The following NCOR2 variants were observed in gnomAD, a reference collection of about 807,000 sequenced individuals.
NCOR2 encodes CTG repeat protein 26.
A neutral mutation model predicts 262.9 loss-of-function variants in NCOR2; 81 were observed. The observed-to-expected ratio is 0.31, with a 90% CI of 0.26 to 0.37. The LOEUF is 0.37. NCOR2 is among the 10% of genes least tolerant of loss of function. The pLI is 1.00. For synonymous variants in NCOR2, 1,659 were observed against 1,559.3 expected (o/e 1.06, Z -1.51); for missense variants, 3,385 against 3,621.4 (o/e 0.93, Z 1.68).
At chr12:124,490,504 C>G (rs999110841) in intron 1 of NCOR2, among the ~76,000 whole-genome samples, 1 of 152,036 alleles carries the variant, frequency 6.6e-6, no homozygotes, top group African/African-American at 2.4e-5. Flanking sequence ...TGAATCTTCC[C>G]CAGCATGGGA....
chr12:124,358,427 T>C (rs1355991280), intron 22 of NCOR2, among the ~76,000 whole-genome samples: 1 of 151,554 alleles, frequency 6.6e-6, no homozygotes, highest in African/African-American at 2.4e-5. Flanking sequence ...TGTGTGCGCC[T>C]GTGTGTGTGT....
intron 14 of NCOR2, among the ~76,000 whole-genome samples, chr12:124,401,275 T>G (rs76164083): frequency 0.023 from 3,538 of 151,350 alleles, 124 homozygotes; most frequent in African/African-American, 0.08. Flanking sequence ...AATTCACCAA[T>G]AAGGCCATGT....
rs1184205947 is a variant in NCOR2, at chr12:124,443,253, G to C, written c.816-5257C>G. On this transcript the variant is annotated intron_variant, in intron 7 of 46. Transcript: ENST00000405201. The surrounding 1 kb of genome is among the most constrained non-coding windows in gnomAD (Gnocchi z 4.4). ...CATGAGGCCTCGGGGTGGTGGTGAT[G>C]TGCATGCAGCCGTCTGTTTGCCACC... Among the ~76,000 whole-genome samples the C allele has an allele frequency of 1.3e-5, 2 of 152,222 alleles. No individual in the cohort carries two copies. The highest frequency in any genetic ancestry group is 2.4e-5 in the African/African-American group (1 of 41,454).
At chr12:124,471,663 G>A (rs1004385325) in intron 4 of NCOR2, among the ~76,000 whole-genome samples, 2 of 152,104 alleles carry the variant, frequency 1.3e-5, no homozygotes, top group Admixed American at 6.6e-5. Context: ...AAACCTCCTG[G>A]GCTCAGGCAC....
intron 1 of NCOR2, among the ~76,000 whole-genome samples, chr12:124,565,198 AGCG>A (rs1222240592): frequency 1.3e-5 from 2 of 152,142 alleles, no homozygotes; most frequent in African/African-American, 4.8e-5. Flanking sequence ...GATCCCCAGC[AGCG>A]TAAATAGCTC....
chr12:124,457,229 G>A lies in NCOR2; in HGVS notation c.706-67C>T. ...AAAAAAACACAGATTATAAATAGAG[G>A]CTTCCCGGAGCAGCGGGCACCTGCC... On this transcript the variant is annotated intron_variant, in intron 5 of 46. Coordinates refer to ENST00000405201, the Ensembl canonical transcript of NCOR2. The surrounding 1 kb of genome is among the most constrained non-coding windows in gnomAD (Gnocchi z 4.0). 6.8e-7 allele frequency: 1 copy of A among 1,462,854 alleles called. No homozygotes were observed. The highest frequency in any genetic ancestry group is 9.1e-7 in the Non-Finnish European group (1 of 1,104,596). 90.6% of individuals were successfully genotyped at this position (1,462,854 alleles called of 1,614,324 possible).
chr12:124,506,974 A>T (rs965742052), intron 1 of NCOR2, among the ~76,000 whole-genome samples: 1 of 152,158 alleles, frequency 6.6e-6, no homozygotes, highest in African/African-American at 2.4e-5. Context: ...TTTCTAAAGG[A>T]TGCGGACGGG....
chr12:124,545,859 C>T (rs781469700), intron 1 of NCOR2, among the ~76,000 whole-genome samples: 2 of 152,180 alleles, frequency 1.3e-5, no homozygotes, highest in South Asian at 2.1e-4. Flanking sequence ...TCTCTGGGCC[C>T]GGCAGATGAG....
At chr12:124,474,333 G>A (rs1056644647) in intron 3 of NCOR2, among the ~76,000 whole-genome samples, 1 of 152,220 alleles carries the variant, frequency 6.6e-6, no homozygotes, top group Admixed American at 6.5e-5. Flanking sequence ...GGGCAGAAGA[G>A]GGTATTTTTA....
At chr12:124,530,210 A>G (rs1433528181) in intron 1 of NCOR2, 2 of 152,164 alleles carry the variant, frequency 1.3e-5, no homozygotes, top group Non-Finnish European at 2.9e-5. Context: ...TATATAATAA[A>G]ATGATAATTT....
chr12:124,358,923 A>C (rs1360355339), intron 22 of NCOR2, among the ~76,000 whole-genome samples: 8 of 152,238 alleles, frequency 5.3e-5, no homozygotes, highest in African/African-American at 1.7e-4. Context: ...CGAGAGGTTA[A>C]GCCACCTGGT....
chr12:124,440,172 TCCC>T lies in NCOR2; in HGVS notation c.816-2179_816-2177del, dbSNP rs1184445518. ...GGCACCCGCTTTTCTGGGGAGGGGA[TCCC>T]CAACTTTTTCATATTCTCAGCAGTG... On this transcript the variant is annotated intron_variant, in intron 7 of 46. Coordinates refer to ENST00000405201, the Ensembl canonical transcript of NCOR2. The surrounding 1 kb of genome is among the most constrained non-coding windows in gnomAD (Gnocchi z 5.7). Among the ~76,000 whole-genome samples the T allele has an allele frequency of 2.6e-5, 4 of 152,102 alleles. No individual in the cohort carries two copies. The highest frequency in any genetic ancestry group is 9.7e-5 in the African/African-American group (4 of 41,374).
At position 124,438,044 on chromosome 12, in the gene NCOR2, C is replaced by T. The variant is rs142517610; in HGVS notation, c.816-48G>A. ...ACAGGTCAGCCCGGCCGGGCTCAGG[C>T]GCTGCACCCCGTGCCATCCTGTTTG... On this transcript the variant is annotated intron_variant, in intron 7 of 46. Coordinates refer to ENST00000405201, the Ensembl canonical transcript of NCOR2. 2,766 of 1,548,080 alleles carry T rather than the reference C, an allele frequency of 1.8e-3. 4 individuals are homozygous for T. Among genetic ancestry groups the T allele is most frequent in the Admixed American group, 2.6e-3 (140 of 54,128 alleles).
intron 44 of NCOR2, among the ~76,000 whole-genome samples, chr12:124,330,386 A>G (rs1396835238): frequency 1.3e-5 from 2 of 152,200 alleles, no homozygotes; most frequent in Non-Finnish European, 2.9e-5. Context: ...TCTGCCACAC[A>G]CCTGTATTTG....
exon 32 of NCOR2, chr12:124,344,951 C>T: frequency 6.5e-7 from 1 of 1,538,070 alleles, no homozygotes; most frequent in Non-Finnish European, 8.8e-7. Flanking sequence ...AGCGGGGTGC[C>T]CTGGGGCAGA....
intron 8 of NCOR2, among the ~76,000 whole-genome samples, chr12:124,433,904 A>ACACACACACG (rs71092203): frequency 0.1 from 9,476 of 93,642 alleles, 782 homozygotes; most frequent in Admixed American, 0.11. Flanking sequence ...ACACACGCAC[A>ACACACACACG]CACACACACA....
exon 34 of NCOR2, chr12:124,341,973 C>CCAG (rs2036494220): frequency 6.2e-7 from 1 of 1,613,208 alleles, no homozygotes; most frequent in Non-Finnish European, 8.5e-7. Context: ...TGCCGGTTCT[C>CCAG]CAGCGCCGCC....
At chr12:124,356,512 A>T in intron 23 of NCOR2, 130 bp downstream of exon 25, 1 of 812,358 alleles carries the variant, frequency 1.2e-6, no homozygotes, top group Non-Finnish European at 1.7e-6. Context: ...TCCACTGACC[A>T]GGCTGTTCCT....
chr12:124,567,609 T>TGGCGGCGGCGGCGGCGGCGGC (rs574345580), upstream of NCOR2: 2 of 143,906 alleles, frequency 1.4e-5, no homozygotes, highest in South Asian at 1.9e-4. Flanking sequence ...GCGGCGGCGG[T>TGGCGGCGGCGGCGGCGGCGGC]GGCGGCGGCG....
Sources: gnomAD v4.1 joint callset for allele counts (sites outside exome capture counted in the v4.1 genomes callset) on GRCh38, gnomAD v4.1.1 for gene constraint, Gnocchi (gnomAD v3.1) non-coding constraint, MANE v1.5 for transcripts, NCBI Gene and HGNC (gene_info 2026-07-23, HGNC 2026-07-21) for gene names.